Variants in LRP5 observed in about 807,000 individuals in gnomAD.
LRP5 encodes LDL receptor related protein 5, also known as low-density lipoprotein receptor-related protein 5.
LRP5 carries 62 observed loss-of-function variants against 154.1 expected under a neutral mutation model. That is an observed-to-expected ratio of 0.40 (90% CI 0.33 to 0.50). The LOEUF (loss-of-function observed/expected upper bound fraction) is 0.50. Among genes scored for constraint, LRP5 ranks in the 20% least tolerant of loss-of-function variants. LRP5 has a pLI of 0.55. For missense variants in LRP5, 1,915 were observed against 2,336.7 expected, an observed-to-expected ratio of 0.82 and a Z score of 3.72; for synonymous variants, 966 against 1,011.5, an observed-to-expected ratio of 0.96 and a Z score of 0.85.
chr11:68,341,060 T>C (rs78199611), intron 1 of LRP5, among the ~76,000 whole-genome samples: 75 of 100,730 alleles, frequency 7.4e-4, no homozygotes, highest in African/African-American at 3.4e-3. Flanking sequence ...GAGATTGTTC[T>C]TTTTTTTTTT....
At chr11:68,337,072 A>G (rs1386934331) in intron 1 of LRP5, among the ~76,000 whole-genome samples, 1 of 152,266 alleles carries the variant, frequency 6.6e-6, no homozygotes, top group Non-Finnish European at 1.5e-5. Context: ...TCTTTGTGGA[A>G]CTTGCGGAGC....
chr11:68,375,393 T>C (rs546440182), intron 5 of LRP5, among the ~76,000 whole-genome samples: 2 of 152,294 alleles, frequency 1.3e-5, no homozygotes, highest in Non-Finnish European at 2.9e-5. Flanking sequence ...CCTATTCCAA[T>C]GGAAATGCAC....
At chr11:68,393,496 T>C (rs1384349384) in intron 7 of LRP5, among the ~76,000 whole-genome samples, 1 of 152,232 alleles carries the variant, frequency 6.6e-6, no homozygotes, top group Non-Finnish European at 1.5e-5. Flanking sequence ...TAAAAAAATA[T>C]TCAGCCAGGT....
chr11:68,355,363 TCA>T (rs2098622345), intron 2 of LRP5, among the ~76,000 whole-genome samples: 1 of 151,724 alleles, frequency 6.6e-6, no homozygotes, highest in Non-Finnish European at 1.5e-5. Flanking sequence ...AGCAAGGGAG[TCA>T]GCACCATTTT....
chr11:68,410,728 C>T (rs547641081), intron 10 of LRP5, among the ~76,000 whole-genome samples: 2 of 152,214 alleles, frequency 1.3e-5, no homozygotes, highest in East Asian at 3.9e-4. Context: ...TCAGACAGGC[C>T]CCAGATGTGT....
At chr11:68,404,971 C>T (rs1248560061) in intron 8 of LRP5, among the ~76,000 whole-genome samples, 5 of 136,770 alleles carry the variant, frequency 3.7e-5, no homozygotes, top group East Asian at 4.1e-4. Context: ...AGCGAGACTC[C>T]GTCTCAAAAA....
chr11:68,324,816 C>T (rs953436876), intron 1 of LRP5, among the ~76,000 whole-genome samples: 4 of 152,326 alleles, frequency 2.6e-5, no homozygotes, highest in African/African-American at 4.8e-5. Context: ...TTCACGGCCC[C>T]GTGGGCTGTG....
chr11:68,329,746 C>T (rs2098601675), intron 1 of LRP5, among the ~76,000 whole-genome samples: 1 of 152,218 alleles, frequency 6.6e-6, no homozygotes, highest in Admixed American at 6.5e-5. Flanking sequence ...GACTGCTGGC[C>T]TCCCACCGGC....
At chr11:68,425,370 C>A (rs899471185) in intron 15 of LRP5, 78 bp downstream of exon 15, 11 of 1,443,196 alleles carry the variant, frequency 7.6e-6, no homozygotes, top group Non-Finnish European at 8.5e-6. Context: ...CCACATTGTC[C>A]GAGACCTGCC....
At chr11:68,398,322 C>T (rs538271022) in intron 7 of LRP5, among the ~76,000 whole-genome samples, 54 of 152,294 alleles carry the variant, frequency 3.5e-4, no homozygotes, top group African/African-American at 1.1e-3. Flanking sequence ...TGGGATCTCC[C>T]GTCATTCCCT....
chr11:68,366,744 G>A (rs944046409), intron 5 of LRP5, among the ~76,000 whole-genome samples: 15 of 152,140 alleles, frequency 9.9e-5, no homozygotes, highest in African/African-American at 3.4e-4. Context: ...GAGCCTCCCC[G>A]ACCAAGCATC....
intron 5 of LRP5, among the ~76,000 whole-genome samples, chr11:68,380,119 G>C (rs1401495337): frequency 6.6e-6 from 1 of 152,238 alleles, no homozygotes; most frequent in Non-Finnish European, 1.5e-5. Context: ...GGCAATAAGA[G>C]TGAAGCTTCG....
In LRP5 at chr11:68,326,424, C is replaced by T. The variant is rs1464736694; in HGVS notation, c.91+13619C>T. Among the ~76,000 whole-genome samples, 6 of 152,366 alleles carry T rather than the reference C, an allele frequency of 3.9e-5. 1 individual carries two copies. Among genetic ancestry groups the T allele is most frequent in the Admixed American group, 3.9e-4 (6 of 15,314 alleles). On this transcript the variant is annotated intron_variant, in intron 1 of 22. Coordinates refer to ENST00000294304, the MANE Select transcript of LRP5 (RefSeq NM_002335.4). ...TCTGGCCCCCTGCATCAGCGCCTCC[C>T]CACTCAGCTTCACTGCTGAAGGCAG...
Position 68,439,686 on chromosome 11 carries a change from G to A in LRP5, c.4349-91G>A, listed in dbSNP as rs1192235062. 3 of 1,353,194 alleles carry A rather than the reference G, an allele frequency of 2.2e-6. No individual in the cohort carries two copies. In the East Asian group the frequency reaches 7.4e-5, roughly 33 times the overall value. The allele number at this position is 1,353,194 out of a possible 1,614,324, so 83.8% of individuals were successfully genotyped here. On this transcript the variant is annotated intron_variant, in intron 20 of 22. Coordinates refer to ENST00000294304, the MANE Select transcript of LRP5 (RefSeq NM_002335.4). The stretch of plus-strand genomic sequence containing the variant: ...CACCGCCCTGGTCTGAGTCTCGTGG[G>A]TAGTGGGAGCAGAGGAGAGCGCCCT...
rs913536419 is a variant in LRP5, at chr11:68,411,754, C to T, written c.2503+134C>T. 31 of 925,024 alleles carry T rather than the reference C, an allele frequency of 3.4e-5. No individual in the cohort carries two copies. In the African/African-American group the frequency reaches 4.9e-4, roughly 15 times the overall value. The allele number at this position is 925,024 out of a possible 1,614,324, so 57.3% of individuals were successfully genotyped here. A position where few individuals can be genotyped will look rare whatever the true frequency, so the allele number is the denominator to read the frequency against. The stretch of plus-strand genomic sequence containing the variant: ...GCAGGAGCTGTGGCCACACCCACGA[C>T]TGCCCAGCAGCCTCACCCTCTGCTG... On this transcript the variant is annotated intron_variant, in intron 11 of 22. Coordinates refer to ENST00000294304, the MANE Select transcript of LRP5 (RefSeq NM_002335.4).
At chr11:68,414,095 A>T (rs1488209416) in intron 12 of LRP5, 83 bp downstream of exon 12, 5 of 1,326,650 alleles carry the variant, frequency 3.8e-6, no homozygotes, top group Admixed American at 1.9e-5. Context: ...GGAGCTTCTC[A>T]TCTGGGGTTC....
At chr11:68,370,215 TTCTGAGCCCTGGGGACTGGCTGCTCGTG>T (rs995721412) in intron 5 of LRP5, among the ~76,000 whole-genome samples, 10 of 152,302 alleles carry the variant, frequency 6.6e-5, no homozygotes, top group Non-Finnish European at 1.5e-4. Context: ...CAGCTGGGCC[TTCTGAGCCCTGGGGACTGGCTGCTCGTG>T]GCTGAGCCCT....
chr11:68,345,152 C>T (rs1351619442), intron 1 of LRP5, among the ~76,000 whole-genome samples: 5 of 151,614 alleles, frequency 3.3e-5, no homozygotes, highest in Non-Finnish European at 5.9e-5. Flanking sequence ...CATGAGCCAC[C>T]GTGCCTGACC....
At position 68,449,054 on chromosome 11, in the gene LRP5, G is replaced by A; in HGVS notation, c.4832G>A (p.Cys1611Tyr). 1 of 1,567,474 alleles carries A rather than the reference G, an allele frequency of 6.4e-7. No individual in the cohort carries two copies. Among genetic ancestry groups the A allele is most frequent in the Non-Finnish European group, 8.6e-7 (1 of 1,159,126 alleles). The change falls in exon 23 of 23, where the codon TGC becomes TAC. Residue 1611 changes from cysteine (C) to tyrosine (Y), a missense_variant. Cys to Tyr is a radical substitution (Grantham distance 194). This residue lies in a region of LRP5 where 1,094 missense variants were observed against 1,210.1 expected (regional missense o/e 0.90). Transcript: ENST00000294304. ...FHLFPPPPSP[C>Y]TDSS ...CTCTTCCCGCCCCCTCCGTCCCCCT[G>A]CACGGACTCATCCTGACCTCGGCCG...
Sources: allele counts gnomAD v4.1 joint callset (sites outside exome capture counted in the v4.1 genomes callset), GRCh38; gene constraint gnomAD v4.1.1; regional missense constraint gnomAD v4.1.1; transcripts MANE v1.5; gene names NCBI Gene and HGNC (gene_info 2026-07-23, HGNC 2026-07-21).